DNAH11: variants seen among roughly 807,000 people sequenced by gnomAD.
The protein encoded by DNAH11 is axonemal beta dynein heavy chain 11.
DNAH11 carries 442 observed loss-of-function variants against 526.0 expected under a neutral mutation model. The observed-to-expected ratio is 0.84, with a 90% CI of 0.78 to 0.91. The LOEUF (loss-of-function observed/expected upper bound fraction) is 0.91. Among genes scored for constraint, DNAH11 ranks in the 40% least tolerant of loss-of-function variants. The pLI, the probability that DNAH11 is intolerant of heterozygous loss-of-function variation, is 0.00. For missense variants in DNAH11, 6,989 were observed against 5,448.7 expected (o/e 1.28, Z -8.90); for synonymous variants, 2,461 against 1,935.9 (o/e 1.27, Z -7.12).
chr7:21,604,999 C>G (rs1027937253), intron 18 of DNAH11, among the ~76,000 whole-genome samples: 2 of 152,296 alleles, frequency 1.3e-5, no homozygotes, highest in African/African-American at 2.4e-5. Flanking sequence ...CAAATTGTCT[C>G]CCAACTGTTT....
At chr7:21,763,353 A>AAAAAAAAAAAAAAAAAAAAAG (rs66803559) in intron 54 of DNAH11, among the ~76,000 whole-genome samples, 1 of 56,966 alleles carries the variant, frequency 1.8e-5, no homozygotes, top group Admixed American at 2.3e-4. Context: ...AAAAAAAAAA[A>AAAAAAAAAAAAAAAAAAAAAG]AAAGAAAAAA....
chr7:21,735,906 C>T, intron 46 of DNAH11, 62 bp downstream of exon 46: 2 of 1,471,218 alleles, frequency 1.4e-6, no homozygotes, highest in Non-Finnish European at 1.8e-6. Flanking sequence ...CGGGCACATG[C>T]AGCCCAAAAG....
intron 46 of DNAH11, among the ~76,000 whole-genome samples, chr7:21,738,397 G>A (rs1203768627): frequency 2.0e-5 from 3 of 152,194 alleles, no homozygotes; most frequent in Non-Finnish European, 2.9e-5. Context: ...GGGGGAGGAA[G>A]TACGCAGATC....
At chr7:21,768,904 C>T (rs185097950) in intron 55 of DNAH11, among the ~76,000 whole-genome samples, 328 of 152,212 alleles carry the variant, frequency 2.2e-3, no homozygotes, top group African/African-American at 7.6e-3. Flanking sequence ...TGACTTTAAG[C>T]ACAGTTCTTT....
intron 74 of DNAH11, among the ~76,000 whole-genome samples, chr7:21,874,823 C>A (rs1783643438): frequency 6.6e-6 from 1 of 152,062 alleles, no homozygotes; most frequent in Non-Finnish European, 1.5e-5. Flanking sequence ...GATCTTCCTT[C>A]CTTCCTCTAA....
At chr7:21,707,584 C>T in intron 39 of DNAH11, 115 bp from the exon 40 acceptor site, 1 of 1,293,330 alleles carries the variant, frequency 7.7e-7, no homozygotes, top group Non-Finnish European at 1.0e-6. Context: ...GATCTTAGCA[C>T]ACACACAGCA....
intron 42 of DNAH11, among the ~76,000 whole-genome samples, chr7:21,716,541 T>G (rs1194412887): frequency 6.6e-6 from 1 of 152,160 alleles, no homozygotes; most frequent in East Asian, 1.9e-4. Context: ...CAGTTTCACT[T>G]TAGACTTTCC....
intron 56 of DNAH11, among the ~76,000 whole-genome samples, chr7:21,777,612 A>C (rs532898728): frequency 3.3e-5 from 5 of 152,106 alleles, no homozygotes; most frequent in Admixed American, 2.0e-4. Context: ...TAACCATTCT[A>C]ATAGGCGTGT....
rs749318648 is a variant in DNAH11 at position 21,742,107 on chromosome 7, C to T, written c.8095C>T (p.Pro2699Ser). Residue 2699 changes from proline to serine, a missense_variant, in exon 49 of 82, where the codon CCC becomes TCC. Transcript: ENST00000409508. ...TCAGACAATGATGTGTAACTTTTTA[C>T]CCACGGCTATTAAATTCCACTACAT... ...FHQTMMCNFLPTAIKFHYIFN... is the reference protein window; with the variant it reads ...FHQTMMCNFLSTAIKFHYIFN... 3 of 1,613,758 alleles carry T rather than the reference C, an allele frequency of 1.9e-6. No individual in the cohort carries two copies. Among genetic ancestry groups the T allele is most frequent in the East Asian group, 4.5e-5 (2 of 44,888 alleles).
chr7:21,876,854 G>A (rs1445422550), intron 74 of DNAH11, among the ~76,000 whole-genome samples: 1 of 152,222 alleles, frequency 6.6e-6, no homozygotes, highest in Non-Finnish European at 1.5e-5. Context: ...GTCAAACTTA[G>A]TCACATTGCA....
At chr7:21,573,482 A>G (rs1448320240) in intron 8 of DNAH11, among the ~76,000 whole-genome samples, 1 of 152,114 alleles carries the variant, frequency 6.6e-6, no homozygotes, top group African/African-American at 2.4e-5. Context: ...TAATCAGCAT[A>G]CTTATGTTGA....
At chr7:21,625,482 C>G (rs575382613) in intron 25 of DNAH11, among the ~76,000 whole-genome samples, 2 of 152,078 alleles carry the variant, frequency 1.3e-5, no homozygotes, top group Non-Finnish European at 2.9e-5. Flanking sequence ...GTTTTGTTGT[C>G]TTTGTAGTCT....
chr7:21,707,571 C>T, intron 39 of DNAH11, 128 bp from the exon 40 acceptor site: 1 of 1,185,554 alleles, frequency 8.4e-7, no homozygotes, highest in African/African-American at 1.6e-5. Context: ...TTTTCCCCTT[C>T]TCGATCTTAG....
intron 44 of DNAH11, among the ~76,000 whole-genome samples, chr7:21,721,164 G>C (rs1019576593): frequency 6.6e-6 from 1 of 152,186 alleles, no homozygotes; most frequent in Non-Finnish European, 1.5e-5. Context: ...CAGTGTGCCT[G>C]AGACAGATCT....
chr7:21,726,785 T>C (rs867397545), intron 45 of DNAH11, among the ~76,000 whole-genome samples: 34 of 121,024 alleles, frequency 2.8e-4, no homozygotes, highest in Admixed American at 4.2e-4. Context: ...CGCTTGAACC[T>C]GGGAGGCGGA....
At chr7:21,616,329 T>G in intron 22 of DNAH11, 37 bp downstream of exon 22, 3 of 1,518,822 alleles carry the variant, frequency 2.0e-6, no homozygotes, top group Non-Finnish European at 2.7e-6. Context: ...CAATTTATCT[T>G]TCTCAGCACC....
In DNAH11 at chr7:21,738,736, C is replaced by G; in HGVS notation, c.7681C>G (p.His2561Asp). ...GAAACCCCTAGAGAAAAAAGCTGGT[C>G]ATAACTATGGTCCTGGAGGAAATAA... ...LEKPLEKKAGHNYGPGGNKKL... is the reference protein window; with the variant it reads ...LEKPLEKKAGDNYGPGGNKKL... The change falls in exon 47 of 82, where the codon CAT becomes GAT. Residue 2561 changes from histidine (H) to aspartate (D), a missense_variant. Transcript: ENST00000409508. 1 of 1,583,170 alleles carries G rather than the reference C, an allele frequency of 6.3e-7. No homozygotes were observed. The highest frequency in any genetic ancestry group is 1.2e-5 in the South Asian group (1 of 85,522).
In DNAH11 at chr7:21,591,559, G is replaced by C; in HGVS notation, c.2649G>C (p.Lys883Asn). 4 of 1,572,698 alleles carry C rather than the reference G, an allele frequency of 2.5e-6. No individual in the cohort carries two copies. Among genetic ancestry groups the C allele is most frequent in the Non-Finnish European group, 3.5e-6 (4 of 1,155,416 alleles). The change falls in exon 14 of 82, where the codon AAG becomes AAC. Residue 883 changes from lysine (K) to asparagine (N), a missense_variant. Physicochemically the swap from Lys to Asn is moderately conservative, Grantham distance 94 (BLOSUM62 0). Coordinates refer to ENST00000409508, the MANE Select transcript of DNAH11 (RefSeq NM_001277115.2). ...AGTTAATCCAAGGAGATGGCTGCAA[G>C]ATCCACAACTTGGTCGAGGTAATGG... The part of the protein sequence containing the change: ...KYKLIQGDGC[K>N]IHNLVEENRK...
intron 25 of DNAH11, among the ~76,000 whole-genome samples, chr7:21,626,163 G>A (rs1786322628): frequency 6.6e-6 from 1 of 152,072 alleles, no homozygotes; most frequent in African/African-American, 2.4e-5. Context: ...TGGGTCTTAT[G>A]AGACCCGCTT....
Sources: gnomAD v4.1 joint callset for allele counts (sites outside exome capture counted in the v4.1 genomes callset) on GRCh38, gnomAD v4.1.1 for gene constraint, MANE v1.5 for transcripts, NCBI Gene and HGNC (gene_info 2026-07-23, HGNC 2026-07-21) for gene names.